LTN1: variants seen among roughly 807,000 people sequenced by gnomAD.
LTN1 encodes the protein E3 ubiquitin-protein ligase listerin.
LTN1 carries 88 observed loss-of-function variants against 201.2 expected under a neutral mutation model. That is an observed-to-expected ratio of 0.44 (90% CI 0.37 to 0.52). The LOEUF (loss-of-function observed/expected upper bound fraction) is 0.52. LTN1 is among the 20% of genes least tolerant of loss of function. The pLI is 0.00. For synonymous variants in LTN1, 645 were observed against 713.5 expected (o/e 0.90, Z 1.53); for missense variants, 1,752 against 2,038.7 (o/e 0.86, Z 2.71).
intron 6 of LTN1, among the ~76,000 whole-genome samples, chr21:28,975,588 T>G (rs2084608764): frequency 6.6e-6 from 1 of 152,094 alleles, no homozygotes; most frequent in African/African-American, 2.4e-5. Flanking sequence ...ATAAAACTAT[T>G]TACAAAAATA....
In LTN1 at chr21:28,930,290, T is replaced by C. The variant is rs1041447351; in HGVS notation, c.*158A>G. Reference sequence around the variant, plus strand: ...AAAGCAATCTAAAGTTAAGTAAACCTGATTTTAGGATTATTACATTAACCA... The same window carrying C: ...AAAGCAATCTAAAGTTAAGTAAACCCGATTTTAGGATTATTACATTAACCA... On this transcript the variant is annotated 3_prime_UTR_variant, in exon 30 of 30. Coordinates refer to ENST00000361371, the MANE Select transcript of LTN1 (RefSeq NM_015565.3). 6.5e-6 allele frequency: 3 copies of C among 459,364 alleles called. No homozygotes were observed. Among genetic ancestry groups the C allele is most frequent in the African/African-American group, 4.0e-5 (2 of 49,620 alleles). 28.5% of individuals were successfully genotyped at this position (459,364 alleles called of 1,614,324 possible). A position where few individuals can be genotyped will look rare whatever the true frequency, so the allele number is the denominator to read the frequency against.
chr21:28,957,387 C>A lies in LTN1; in HGVS notation c.2837G>T (p.Ser946Ile). 1 of 1,607,352 alleles carries A rather than the reference C, an allele frequency of 6.2e-7. No individual in the cohort carries two copies. Among genetic ancestry groups the A allele is most frequent in the Non-Finnish European group, 8.5e-7 (1 of 1,177,676 alleles). ...CCATTCACTGTCGTTCGGCATTACA[C>A]TTCCAATATAAACTCCCATAAGATA... ...DSYLMGVYIG[S>I]VMPNDSEWEK... is the part of the protein sequence containing the mutation. Residue 946 changes from serine to isoleucine, a missense_variant, in exon 15 of 30, where the codon AGT becomes ATT. Coordinates refer to ENST00000361371, the MANE Select transcript of LTN1 (RefSeq NM_015565.3).
Position 28,970,627 on chromosome 21 carries a change from A to C in LTN1, c.1100T>G (p.Ile367Ser). ...TVIYPYLLPF[I>S]SKLPQSITNP... ...TGTGATGGACTGAGGGAGCTTGCTGATGAATGGCAGAAGGTAAGGATATAT... is the reference window on the plus strand; with the variant it reads ...TGTGATGGACTGAGGGAGCTTGCTGCTGAATGGCAGAAGGTAAGGATATAT... Residue 367 changes from isoleucine to serine, a missense_variant, in exon 8 of 30, where the codon ATC becomes AGC. Ile to Ser is a moderately radical substitution (Grantham distance 142, BLOSUM62 -2). Around this residue, in one of 3 missense-constraint regions of LTN1, gnomAD observed 1,211 missense variants for 1,312.8 expected, o/e 0.92. Coordinates refer to ENST00000361371, the MANE Select transcript of LTN1 (RefSeq NM_015565.3). 6.2e-7 allele frequency: 1 copy of C among 1,614,058 alleles called. No homozygotes were observed. Among genetic ancestry groups the C allele is most frequent in the Non-Finnish European group, 8.5e-7 (1 of 1,179,940 alleles).
intron 18 of LTN1, among the ~76,000 whole-genome samples, chr21:28,951,265 T>C (rs1396665485): frequency 1.3e-5 from 2 of 152,250 alleles, no homozygotes; most frequent in Non-Finnish European, 2.9e-5. Context: ...TTTAGAATTC[T>C]ACTATGCCAG....
chr21:28,935,036 T>C (rs2084243045), intron 27 of LTN1, 73 bp downstream of exon 27: 2 of 972,970 alleles, frequency 2.1e-6, no homozygotes, highest in East Asian at 4.8e-5. Context: ...CTACAGTCTG[T>C]TATGATATTA....
At chr21:28,980,488 A>G (rs899941037) in intron 6 of LTN1, among the ~76,000 whole-genome samples, 1 of 151,436 alleles carries the variant, frequency 6.6e-6, no homozygotes, top group African/African-American at 2.4e-5. Context: ...GCACATGTAT[A>G]CATATGTAAC....
chr21:28,973,331 A>C (rs796117874), intron 6 of LTN1, among the ~76,000 whole-genome samples: 24 of 145,910 alleles, frequency 1.6e-4, no homozygotes, highest in African/African-American at 6.1e-4. Context: ...TGGGTGACAA[A>C]GCAAGAATCC....
chr21:28,960,875 T>A, intron 11 of LTN1, 169 bp from the exon 12 acceptor site: 2 of 529,612 alleles, frequency 3.8e-6, no homozygotes, highest in East Asian at 3.2e-5. Flanking sequence ...CTGTTCCCCA[T>A]TAAGCCTGTA....
chr21:28,934,922 T>C (rs2084241938), intron 27 of LTN1, among the ~76,000 whole-genome samples, 187 bp downstream of exon 27: 1 of 152,200 alleles, frequency 6.6e-6, no homozygotes, highest in African/African-American at 2.4e-5. Flanking sequence ...GGTCTTGAAC[T>C]CCTGGGCTCA....
At position 28,965,901 on chromosome 21, in the gene LTN1, G is replaced by A. The variant is rs1159222662; in HGVS notation, c.2127C>T (p.Asp709=). The A allele has an allele frequency of 2.0e-6, 3 of 1,521,808 alleles. No individual in the cohort carries two copies. In the African/African-American group the frequency reaches 4.2e-5, roughly 21 times the overall value. The allele number at this position is 1,521,808 out of a possible 1,614,324, so 94.3% of individuals were successfully genotyped here. Residue 709 remains aspartate (D), a synonymous_variant, in exon 11 of 30, where the codon GAC becomes GAT. Transcript: ENST00000361371. ...TCTTAAGAAGAGAATTCCATTTCAA[G>A]TCCACCTGAAAAAAGAAAAAGAGTT... is the stretch of plus-strand genomic sequence containing the variant. The part of the protein sequence containing the change: ...KKVLDDLTKV[D]LKWNSLLKII...
intron 25 of LTN1, 129 bp from the exon 26 acceptor site, chr21:28,936,826 A>T (rs1213465954): frequency 1.5e-6 from 1 of 668,772 alleles, no homozygotes; most frequent in Non-Finnish European, 2.6e-6. Flanking sequence ...TCATTATTGT[A>T]ACACATTTCT....
At position 28,960,469 on chromosome 21, in the gene LTN1, A is replaced by T. The variant is rs758439228; in HGVS notation, c.2353+48T>A. ...AGCCCCATGCAATCCCCCACAAAGG[A>T]GAAATGGACTATTCCCCATTAGAAA... On this transcript the variant is annotated intron_variant, in intron 12 of 29. Transcript: ENST00000361371. The T allele has an allele frequency of 8.4e-6, 12 of 1,420,402 alleles. No individual in the cohort carries two copies. The South Asian group carries it at 1.5e-4, about 18-fold the overall frequency. 88.0% of individuals were successfully genotyped at this position (1,420,402 alleles called of 1,614,324 possible). A position where few individuals can be genotyped will look rare whatever the true frequency, so the allele number is the denominator to read the frequency against.
chr21:28,982,109 C>T (rs916730646), intron 5 of LTN1, among the ~76,000 whole-genome samples: 2 of 151,806 alleles, frequency 1.3e-5, no homozygotes, highest in African/African-American at 2.4e-5. Context: ...CCCAGCTACT[C>T]GAGAGGCTTA....
At chr21:28,983,177 A>G (rs1223035413) in intron 4 of LTN1, among the ~76,000 whole-genome samples, 1 of 152,252 alleles carries the variant, frequency 6.6e-6, no homozygotes, top group African/African-American at 2.4e-5. Flanking sequence ...TTCAATGCCA[A>G]CAGCTGTAAT....
Position 28,986,501 on chromosome 21 carries a change from C to A in LTN1, c.246+230G>T. ...AAGTTACATTCCCTAATGGGAAAAA[C>A]TATACAGCCAAAATTCCAAAGCACT... On this transcript the variant is annotated intron_variant, in intron 2 of 29. Coordinates refer to ENST00000361371, the MANE Select transcript of LTN1 (RefSeq NM_015565.3). This position sits in a 1 kb window ranked among gnomAD's most constrained non-coding sequence, Gnocchi z 4.1. 1.5e-6 allele frequency: 1 copy of A among 656,176 alleles called. No individual in the cohort carries two copies. The highest frequency in any genetic ancestry group is 2.7e-6 in the Non-Finnish European group (1 of 372,896). 40.6% of individuals were successfully genotyped at this position (656,176 alleles called of 1,614,324 possible). A position where few individuals can be genotyped will look rare whatever the true frequency, so the allele number is the denominator to read the frequency against.
At chr21:28,946,904 CTATT>C (rs1269601504) in intron 19 of LTN1, among the ~76,000 whole-genome samples, 3 of 152,152 alleles carry the variant, frequency 2.0e-5, no homozygotes, top group Admixed American at 2.0e-4. Context: ...ATATGGAAAA[CTATT>C]TATCCTTCAA....
At chr21:28,977,350 G>C (rs1037625263) in intron 6 of LTN1, among the ~76,000 whole-genome samples, 2 of 147,472 alleles carry the variant, frequency 1.4e-5, no homozygotes, top group African/African-American at 2.5e-5. Context: ...TTCCAGCCTG[G>C]GCAACAGAGT....
intron 26 of LTN1, among the ~76,000 whole-genome samples, chr21:28,936,062 C>G (rs146490366): frequency 2.6e-5 from 4 of 152,106 alleles, no homozygotes. Flanking sequence ...TCTTGGAATA[C>G]CCAACTCAAT....
chr21:28,935,348 A>T lies in LTN1; in HGVS notation c.4655-19T>A. On this transcript the variant is annotated intron_variant, in intron 26 of 29. Transcript: ENST00000361371. ...GTTGTTTCTGAGGAAAAAACAAATTATTGATTAGTAACATATATTTCTTAT... is the reference window on the plus strand; with the variant it reads ...GTTGTTTCTGAGGAAAAAACAAATTTTTGATTAGTAACATATATTTCTTAT... The T allele has an allele frequency of 7.1e-7, 1 of 1,405,010 alleles. No individual in the cohort carries two copies. Among genetic ancestry groups the T allele is most frequent in the Non-Finnish European group, 1.0e-6 (1 of 999,474 alleles). The allele number at this position is 1,405,010 out of a possible 1,614,324, so 87.0% of individuals were successfully genotyped here.
Sources: gnomAD v4.1 joint callset for allele counts (sites outside exome capture counted in the v4.1 genomes callset) on GRCh38, gnomAD v4.1.1 for gene constraint, gnomAD v4.1.1 regional missense constraint, Gnocchi (gnomAD v3.1) non-coding constraint, MANE v1.5 for transcripts, NCBI Gene and HGNC (gene_info 2026-07-23, HGNC 2026-07-21) for gene names.